KCNAB1: variants seen among roughly 807,000 people sequenced by gnomAD.
KCNAB1 encodes voltage-gated potassium channel subunit beta-1.
A neutral mutation model predicts 64.6 loss-of-function variants in KCNAB1; 35 were observed. The observed-to-expected ratio is 0.54, with a 90% confidence interval of 0.41 to 0.72. KCNAB1 has a LOEUF of 0.72. Ranked by LOEUF, KCNAB1 falls within the 30% of genes least tolerant of loss-of-function variation. KCNAB1 has a pLI of 0.00. For synonymous variants in KCNAB1, 177 were observed against 183.8 expected, an observed-to-expected ratio of 0.96 and a Z score of 0.30; for missense variants, 401 against 512.9, an observed-to-expected ratio of 0.78 and a Z score of 2.11.
At position 156,516,307 on chromosome 3, in the gene KCNAB1, A is replaced by T; in HGVS notation, c.903A>T (p.Gly301=). ...TGACATGGTCTCCACTTGCCTGTGG[A>T]ATCATCTCAGGAAAATACGGAAACG... ...GAMTWSPLAC[G]IISGKYGNGV... Residue 301 remains glycine, a synonymous_variant, in exon 11 of 14, where the codon GGA becomes GGT. Transcript: ENST00000490337. 1 of 1,614,068 alleles carries T rather than the reference A, an allele frequency of 6.2e-7. No homozygotes were observed. Among genetic ancestry groups the T allele is most frequent in the Non-Finnish European group, 8.5e-7 (1 of 1,179,910 alleles).
intron 1 of KCNAB1, among the ~76,000 whole-genome samples, chr3:156,321,414 CTA>C (rs1222579171): frequency 6.6e-6 from 1 of 152,172 alleles, no homozygotes; most frequent in Admixed American, 6.5e-5. Context: ...GGCAAATACT[CTA>C]TTATCTCATT....
At chr3:156,279,594 G>C (rs1480760820) in intron 1 of KCNAB1, among the ~76,000 whole-genome samples, 1 of 151,882 alleles carries the variant, frequency 6.6e-6, no homozygotes, top group African/African-American at 2.4e-5. Flanking sequence ...CAGTGTAAAA[G>C]TGTTCCTATT....
chr3:156,219,988 A>G (rs1715604978), intron 1 of KCNAB1, among the ~76,000 whole-genome samples: 1 of 150,948 alleles, frequency 6.6e-6, no homozygotes, highest in Admixed American at 6.6e-5. Context: ...TGTGCTTGTG[A>G]TAGTTTGCTT....
intron 8 of KCNAB1, among the ~76,000 whole-genome samples, chr3:156,491,461 T>C (rs1715623179): frequency 6.6e-6 from 1 of 152,070 alleles, no homozygotes; most frequent in African/African-American, 2.4e-5. Flanking sequence ...AATTGTTTAA[T>C]GAAAGGTAAC....
intron 1 of KCNAB1, among the ~76,000 whole-genome samples, chr3:156,167,857 A>G (rs1711699308): frequency 6.6e-6 from 1 of 152,186 alleles, no homozygotes; most frequent in African/African-American, 2.4e-5. Flanking sequence ...CATTTTTGAT[A>G]TCTATTAAAT....
intron 1 of KCNAB1, among the ~76,000 whole-genome samples, chr3:156,234,882 T>C (rs1716760516): frequency 6.6e-6 from 1 of 152,230 alleles, no homozygotes; most frequent in South Asian, 2.1e-4. Flanking sequence ...TTTGCTATTA[T>C]AAGAAATGTG....
chr3:156,461,098 C>G (rs1054099716), intron 5 of KCNAB1, among the ~76,000 whole-genome samples: 5 of 149,140 alleles, frequency 3.4e-5, no homozygotes, highest in African/African-American at 1.3e-4. Context: ...CAGTCCTTCA[C>G]CTTGCCTGAG....
Position 156,482,801 on chromosome 3 carries a change from C to T in KCNAB1, c.658+7981C>T, listed in dbSNP as rs188417707. On this transcript the variant is annotated intron_variant, in intron 8 of 13. Transcript: ENST00000490337. The stretch of plus-strand genomic sequence containing the variant: ...CTTAGGATGTTGCCTAGTAACTACT[C>T]GAAATTTAGAGCTACCATTTTTGTT... Among the ~76,000 whole-genome samples, 5 of 152,070 alleles carry T rather than the reference C, an allele frequency of 3.3e-5. No homozygotes were observed. The South Asian group carries it at 6.2e-4, about 19-fold the overall frequency.
At position 156,376,404 on chromosome 3, in the gene KCNAB1, A is replaced by G. The variant is rs572703442; in HGVS notation, c.276-45212A>G. ...AGAGACAGACAGAAGATGCAAGGTC[A>G]GCAAAGACTACAAAGCAAAGTTCAA... is the stretch of plus-strand genomic sequence containing the variant. On this transcript the variant is annotated intron_variant, in intron 1 of 13. Coordinates refer to ENST00000490337, the MANE Select transcript of KCNAB1 (RefSeq NM_172160.3). Among the ~76,000 whole-genome samples, 6 of 152,350 alleles carry G rather than the reference A, an allele frequency of 3.9e-5. No homozygotes were observed. The East Asian group carries it at 1.2e-3, about 29-fold the overall frequency.
At chr3:156,400,890 A>G (rs1345150752) in intron 1 of KCNAB1, among the ~76,000 whole-genome samples, 2 of 152,146 alleles carry the variant, frequency 1.3e-5, no homozygotes, top group Non-Finnish European at 2.9e-5. Context: ...TAGCTCTGTT[A>G]TGTACTCACC....
intron 1 of KCNAB1, among the ~76,000 whole-genome samples, chr3:156,204,373 A>G (rs2108383343): frequency 6.6e-6 from 1 of 152,288 alleles, no homozygotes; most frequent in Middle Eastern, 3.4e-3. Flanking sequence ...GTGGGAAATT[A>G]CTTTTTAGGT....
chr3:156,309,631 T>A (rs1027784122), intron 1 of KCNAB1, among the ~76,000 whole-genome samples: 1 of 152,222 alleles, frequency 6.6e-6, no homozygotes, highest in Non-Finnish European at 1.5e-5. Flanking sequence ...AGATTGCCCA[T>A]TAAAATTAAA....
intron 5 of KCNAB1, among the ~76,000 whole-genome samples, chr3:156,462,077 A>G (rs1157311361): frequency 2.6e-5 from 4 of 152,254 alleles, no homozygotes; most frequent in African/African-American, 4.8e-5. Flanking sequence ...ATGCTGACAG[A>G]GTGAGATAAG....
chr3:156,312,727 A>C (rs922927978), intron 1 of KCNAB1, among the ~76,000 whole-genome samples: 6 of 150,932 alleles, frequency 4.0e-5, no homozygotes, highest in Admixed American at 6.6e-5. Flanking sequence ...AAAAAAAAAA[A>C]AAAACTCATA....
intron 1 of KCNAB1, among the ~76,000 whole-genome samples, chr3:156,245,522 G>A (rs1717402553): frequency 6.7e-6 from 1 of 149,704 alleles, no homozygotes; most frequent in Admixed American, 6.6e-5. Flanking sequence ...GTGTATGTGT[G>A]CTCATGTGTG....
intron 1 of KCNAB1, among the ~76,000 whole-genome samples, chr3:156,232,445 G>A (rs535361467): frequency 6.6e-6 from 1 of 152,340 alleles, no homozygotes; most frequent in African/African-American, 2.4e-5. Context: ...CTTCTGTCCT[G>A]ATGCTTTCGC....
chr3:156,355,181 T>A (rs1725148858), intron 1 of KCNAB1, among the ~76,000 whole-genome samples: 1 of 152,240 alleles, frequency 6.6e-6, no homozygotes, highest in Non-Finnish European at 1.5e-5. Flanking sequence ...TTTTTTAAAG[T>A]ATATTCACAT....
In KCNAB1 at chr3:156,411,397, T is replaced by A. The variant is rs538237609; in HGVS notation, c.276-10219T>A. Among the ~76,000 whole-genome samples the A allele has an allele frequency of 1.5e-4, 23 of 152,280 alleles. No homozygotes were observed. The South Asian group carries it at 4.1e-3, about 27-fold the overall frequency. On this transcript the variant is annotated intron_variant, in intron 1 of 13. Coordinates refer to ENST00000490337, the MANE Select transcript of KCNAB1 (RefSeq NM_172160.3). ...GTCCAATTTTTAATTTTTTAATGGA[T>A]CATCTTTTTTATGTCATATCTAAAA...
chr3:156,387,014 C>CTTTTTTTTTTTTT (rs1194708289), intron 1 of KCNAB1, among the ~76,000 whole-genome samples: 70 of 90,500 alleles, frequency 7.7e-4, no homozygotes, highest in Non-Finnish European at 1.0e-3. Context: ...TTCTCTCTCT[C>CTTTTTTTTTTTTT]TTTTTTTTTT....
Sources: gnomAD v4.1 joint callset for allele counts (sites outside exome capture counted in the v4.1 genomes callset) on GRCh38, gnomAD v4.1.1 for gene constraint, MANE v1.5 for transcripts, NCBI Gene and HGNC (gene_info 2026-07-23, HGNC 2026-07-21) for gene names.